The following NCAPD3 variants were observed in gnomAD, a reference collection of about 807,000 sequenced individuals.
NCAPD3 encodes the protein non-SMC condensin II complex subunit D3, also known as condensin-2 complex subunit D3.
NCAPD3 carries 105 observed loss-of-function variants against 182.9 expected under a neutral mutation model. That is an observed-to-expected ratio of 0.57 (90% CI 0.49 to 0.68). The LOEUF (loss-of-function observed/expected upper bound fraction) is 0.68. Ranked by LOEUF, NCAPD3 falls within the 30% of genes least tolerant of loss-of-function variation. The pLI, the probability that NCAPD3 is intolerant of heterozygous loss-of-function variation, is 0.00. For synonymous variants in NCAPD3, 815 were observed against 679.9 expected, an observed-to-expected ratio of 1.20 and a Z score of -3.09; for missense variants, 1,944 against 1,837.0, an observed-to-expected ratio of 1.06 and a Z score of -1.07.
chr11:134,153,673 CCT>C, intron 32 of NCAPD3: 1 of 438,458 alleles, frequency 2.3e-6, no homozygotes, highest in Non-Finnish European at 4.2e-6. Flanking sequence ...CGGTGACCGC[CCT>C]GTCCCACTTA....
At position 134,152,903 on chromosome 11, in the gene NCAPD3, C is replaced by G. The variant is rs1943296022; in HGVS notation, c.*41G>C. ...CACGGAGGACACGAGACTGCTTCCT[C>G]AAGGGCTCCTGCCTGCCTGGACACT... On this transcript the variant is annotated 3_prime_UTR_variant, in exon 35 of 35. Coordinates refer to ENST00000534548, the MANE Select transcript of NCAPD3 (RefSeq NM_015261.3). 1 of 1,465,578 alleles carries G rather than the reference C, an allele frequency of 6.8e-7. No homozygotes were observed. The highest frequency in any genetic ancestry group is 9.2e-7 in the Non-Finnish European group (1 of 1,087,698). 90.8% of individuals were successfully genotyped at this position (1,465,578 alleles called of 1,614,324 possible).
At chr11:134,181,322 C>A in intron 19 of NCAPD3, 138 bp from the exon 20 acceptor site, 1 of 598,258 alleles carries the variant, frequency 1.7e-6, no homozygotes, top group Non-Finnish European at 2.9e-6. Context: ...CTCTTTCCCA[C>A]AATTTGTCCA....
chr11:134,176,481 C>G, intron 23 of NCAPD3, 95 bp from the exon 24 acceptor site: 2 of 998,822 alleles, frequency 2.0e-6, no homozygotes, highest in South Asian at 1.3e-5. Context: ...GGTCTGTCCC[C>G]GGCACACTGG....
rs1412123293 is a variant in NCAPD3 at position 134,163,191 on chromosome 11, T to C, written c.3574-1300A>G. Among the ~76,000 whole-genome samples, 5 of 152,158 alleles carry C rather than the reference T, an allele frequency of 3.3e-5. No homozygotes were observed. The South Asian group carries it at 1.0e-3, about 31-fold the overall frequency. ...AGAAGATGACAGGAAGCCACCAGCA[T>C]AGTTTTTAAAGATTTCACTAGTGAA... is the stretch of plus-strand genomic sequence containing the variant. On this transcript the variant is annotated intron_variant, in intron 27 of 34. Transcript: ENST00000534548.
rs144266761 is a variant in NCAPD3 at position 134,178,693 on chromosome 11, G to A, written c.2723C>T (p.Pro908Leu). 10 of 1,601,354 alleles carry A rather than the reference G, an allele frequency of 6.2e-6. No individual in the cohort carries two copies. The African/African-American group carries it at 9.4e-5, about 15-fold the overall frequency. Residue 908 changes from proline to leucine, a missense_variant, in exon 22 of 35, where the codon CCC becomes CTC. Pro to Leu is a moderately conservative substitution (Grantham distance 98, BLOSUM62 -3). Coordinates refer to ENST00000534548, the MANE Select transcript of NCAPD3 (RefSeq NM_015261.3). The stretch of plus-strand genomic sequence containing the variant: ...GGGCATGACAGAACCTCTGACCTGG[G>A]GGGGTGGCTGAGACGCTGGGGCCTC... ...SSEAPASQPP[P>L]QVRGSVMPSV... is the part of the protein sequence containing the mutation.
At chr11:134,162,154 A>G (rs943665374) in intron 27 of NCAPD3, among the ~76,000 whole-genome samples, 6 of 152,212 alleles carry the variant, frequency 3.9e-5, no homozygotes, top group Non-Finnish European at 8.8e-5. Context: ...AGAATTAGAA[A>G]CATGTTGAGT....
At chr11:134,161,699 C>A (rs1292993302) in intron 28 of NCAPD3, 82 bp downstream of exon 28, 2 of 807,824 alleles carry the variant, frequency 2.5e-6, no homozygotes, top group Non-Finnish European at 4.1e-6. Context: ...TCACGGATTG[C>A]CTGCACTGTC....
intron 3 of NCAPD3, among the ~76,000 whole-genome samples, chr11:134,212,623 G>A (rs571278868): frequency 1.7e-4 from 26 of 152,072 alleles, no homozygotes; most frequent in African/African-American, 4.6e-4. Flanking sequence ...AACTCCTGAC[G>A]TCAAGTGACC....
chr11:134,178,276 T>C (rs1291990410), intron 22 of NCAPD3, among the ~76,000 whole-genome samples: 1 of 152,186 alleles, frequency 6.6e-6, no homozygotes, highest in African/African-American at 2.4e-5. Flanking sequence ...TGGGGCTGCA[T>C]TATGAATATT....
At chr11:134,164,703 G>A (rs188753343) in intron 27 of NCAPD3, among the ~76,000 whole-genome samples, 33 of 151,228 alleles carry the variant, frequency 2.2e-4, no homozygotes, top group African/African-American at 7.3e-4. Flanking sequence ...ATAAGCTTAG[G>A]GGAGCTGTAC....
At chr11:134,155,772 A>G (rs1056953769) in intron 32 of NCAPD3, among the ~76,000 whole-genome samples, 11 of 151,086 alleles carry the variant, frequency 7.3e-5, no homozygotes, top group Non-Finnish European at 4.4e-5. Flanking sequence ...GCTCTAACAC[A>G]CAGAACATCG....
At position 134,152,733 on chromosome 11, in the gene NCAPD3, T is replaced by A. The variant is rs185618920; in HGVS notation, c.*211A>T. On this transcript the variant is annotated 3_prime_UTR_variant, in exon 35 of 35. Transcript: ENST00000534548. ...ACAGATTAGGGTAAGAAAATCTAAA[T>A]CTGGCACATCTCTATTATTTGACAG... The A allele has an allele frequency of 0.01, 4,678 of 461,650 alleles. 64 individuals are homozygous for A. The highest frequency in any genetic ancestry group is 0.015 in the Middle Eastern group (27 of 1,820). The allele number at this position is 461,650 out of a possible 1,614,324, so 28.6% of individuals were successfully genotyped here.
At chr11:134,162,883 G>A (rs756980395) in intron 27 of NCAPD3, among the ~76,000 whole-genome samples, 4 of 152,192 alleles carry the variant, frequency 2.6e-5, no homozygotes, top group Non-Finnish European at 5.9e-5. Flanking sequence ...AAGTGGCAGG[G>A]TGTTAGGGAA....
rs186456481 is a variant in NCAPD3, at chr11:134,153,272, G to A, written c.4327+17C>T. On this transcript the variant is annotated intron_variant, in intron 33 of 34. Coordinates refer to ENST00000534548, the MANE Select transcript of NCAPD3 (RefSeq NM_015261.3). ...AGGCAGTGCATCTATCAGCCCAGAA[G>A]GACACCAAGAACTTGCCTTTGGCTG... is the stretch of plus-strand genomic sequence containing the variant. 3.1e-6 allele frequency: 5 copies of A among 1,614,048 alleles called. No individual in the cohort carries two copies. Among genetic ancestry groups the A allele is most frequent in the South Asian group, 1.1e-5 (1 of 91,080 alleles).
rs1944778519 is a variant in NCAPD3, at chr11:134,202,866, G to A, written c.1565C>T (p.Pro522Leu). 9 of 1,607,890 alleles carry A rather than the reference G, an allele frequency of 5.6e-6. No individual in the cohort carries two copies. Among genetic ancestry groups the A allele is most frequent in the Non-Finnish European group, 6.8e-6 (8 of 1,178,574 alleles). The change falls in exon 13 of 35, where the codon CCC (proline) becomes CTC (leucine). Residue 522 changes from proline (P) to leucine (L), a missense_variant. Coordinates refer to ENST00000534548, the MANE Select transcript of NCAPD3 (RefSeq NM_015261.3). ...GCTGTCTATGTTGATCTCCCCTGAG[G>A]GTTCGGAACGGTTAGATGTCTGCCT... is the stretch of plus-strand genomic sequence containing the variant. ...YQRQTSNRSE[P>L]SGEINIDSSG... is the part of the protein sequence containing the mutation.
intron 27 of NCAPD3, among the ~76,000 whole-genome samples, chr11:134,164,374 G>A (rs928773160): frequency 4.6e-5 from 7 of 152,246 alleles, no homozygotes; most frequent in African/African-American, 1.7e-4. Flanking sequence ...CTGGCAGCAG[G>A]GGGACCTGAG....
At chr11:134,197,590 T>C (rs887227471) in intron 13 of NCAPD3, among the ~76,000 whole-genome samples, 7 of 152,122 alleles carry the variant, frequency 4.6e-5, no homozygotes, top group Admixed American at 2.0e-4. Context: ...TATTTCTTTA[T>C]AGCAATGCAA....
Position 134,203,810 on chromosome 11 carries a change from A to G in NCAPD3, c.1312T>C (p.Phe438Leu), listed in dbSNP as rs1944796877. Residue 438 changes from phenylalanine (F) to leucine (L), a missense_variant, in exon 11 of 35, where the codon TTC becomes CTC. Phe to Leu is a conservative substitution (Grantham distance 22, BLOSUM62 0). This residue lies in a region of NCAPD3 where 1,803 missense variants were observed against 1,674.6 expected (regional missense o/e 1.08). Transcript: ENST00000534548. ...DNTLSLEHQKFLKHKFLVQEI... is the reference protein window; with the variant it reads ...DNTLSLEHQKLLKHKFLVQEI... ...TGCACCAGGAACTTATGCTTTAAGA[A>G]CTTCTGATGCTCCAAGGAGAGGGTG... 6.2e-7 allele frequency: 1 copy of G among 1,614,064 alleles called. No homozygotes were observed. Among genetic ancestry groups the G allele is most frequent in the Non-Finnish European group, 8.5e-7 (1 of 1,180,050 alleles).
At position 134,204,751 on chromosome 11, in the gene NCAPD3, C is replaced by T; in HGVS notation, c.1089+148G>A. 5.3e-6 allele frequency: 3 copies of T among 570,928 alleles called. No homozygotes were observed. Among genetic ancestry groups the T allele is most frequent in the South Asian group, 3.5e-5 (1 of 28,624 alleles). The allele number at this position is 570,928 out of a possible 1,614,324, so 35.4% of individuals were successfully genotyped here. A position where few individuals can be genotyped will look rare whatever the true frequency, so the allele number is the denominator to read the frequency against. ...TATAGAACACTTTTGTCTAGGGGAC[C>T]ATCTAGTGAACATTAAATAAAACCA... On this transcript the variant is annotated intron_variant, in intron 9 of 34. Transcript: ENST00000534548. This position sits in a 1 kb window ranked among gnomAD's most constrained non-coding sequence, Gnocchi z 4.3.
Sources: allele counts gnomAD v4.1 joint callset (sites outside exome capture counted in the v4.1 genomes callset), GRCh38; gene constraint gnomAD v4.1.1; regional missense constraint gnomAD v4.1.1; non-coding constraint Gnocchi (gnomAD v3.1); transcripts MANE v1.5; gene names NCBI Gene and HGNC (gene_info 2026-07-23, HGNC 2026-07-21).